The following SLC25A21 variants were observed in gnomAD, a reference collection of about 807,000 sequenced individuals.
SLC25A21 encodes the protein solute carrier family 25 member 21.
SLC25A21 carries 47 observed loss-of-function variants against 43.8 expected under a neutral mutation model. The observed-to-expected ratio is 1.07, with a 90% confidence interval of 0.85 to 1.37. SLC25A21 has a LOEUF of 1.37. Among genes scored for constraint, SLC25A21 ranks in the 40% most tolerant of loss-of-function variants. The pLI, the probability that SLC25A21 is intolerant of heterozygous loss-of-function variation, is 0.00. For missense variants in SLC25A21, 352 were observed against 350.2 expected, an observed-to-expected ratio of 1.00 and a Z score of -0.04; for synonymous variants, 131 against 121.3, an observed-to-expected ratio of 1.08 and a Z score of -0.52.
chr14:36,955,118 T>C (rs911204624), intron 1 of SLC25A21, among the ~76,000 whole-genome samples: 11 of 152,212 alleles, frequency 7.2e-5, no homozygotes, highest in African/African-American at 2.7e-4. Flanking sequence ...TGGCCTAGTG[T>C]AGACATTCAA....
intron 5 of SLC25A21, among the ~76,000 whole-genome samples, chr14:36,728,664 A>G (rs902612936): frequency 6.6e-6 from 1 of 152,252 alleles, no homozygotes; most frequent in Non-Finnish European, 1.5e-5. Flanking sequence ...TTTTTTAAAA[A>G]TAACAGATAC....
chr14:36,697,322 A>C (rs1883071951), intron 7 of SLC25A21, among the ~76,000 whole-genome samples: 1 of 152,200 alleles, frequency 6.6e-6, no homozygotes, highest in South Asian at 2.1e-4. Context: ...GGAGTGCTTT[A>C]CTTCCAACTA....
At chr14:37,080,630 C>G (rs1254491636) in intron 1 of SLC25A21, among the ~76,000 whole-genome samples, 1 of 152,074 alleles carries the variant, frequency 6.6e-6, no homozygotes, top group Non-Finnish European at 1.5e-5. Context: ...AAAACTACTA[C>G]TTAGTACTTG....
intron 3 of SLC25A21, among the ~76,000 whole-genome samples, chr14:36,773,585 A>G (rs1886707034): frequency 6.6e-6 from 1 of 152,250 alleles, no homozygotes; most frequent in Non-Finnish European, 1.5e-5. Context: ...AAAAGAGCCC[A>G]AAATCTTGTT....
At chr14:37,013,470 C>T (rs570549477) in intron 1 of SLC25A21, among the ~76,000 whole-genome samples, 3 of 152,284 alleles carry the variant, frequency 2.0e-5, no homozygotes, top group African/African-American at 7.2e-5. Context: ...TTCTCCTTAG[C>T]TTTCTGTATC....
intron 1 of SLC25A21, among the ~76,000 whole-genome samples, chr14:37,005,665 G>A (rs188629973): frequency 4.6e-5 from 7 of 151,638 alleles, no homozygotes; most frequent in Non-Finnish European, 7.4e-5. Context: ...TCAACATATT[G>A]TATATCTTTC....
chr14:36,986,285 G>T (rs1028320630), intron 1 of SLC25A21, among the ~76,000 whole-genome samples: 1 of 151,976 alleles, frequency 6.6e-6, no homozygotes, highest in Admixed American at 6.6e-5. Context: ...ACCACATTCT[G>T]TCTTCTTCCT....
intron 1 of SLC25A21, among the ~76,000 whole-genome samples, chr14:37,157,084 C>T (rs8015791): frequency 0.043 from 6,613 of 152,218 alleles, 285 homozygotes; most frequent in Admixed American, 0.1. Context: ...ACGCCCAGCA[C>T]GGTGGCTCAT....
intron 2 of SLC25A21, among the ~76,000 whole-genome samples, chr14:36,814,471 C>A (rs528582618): frequency 6.6e-6 from 1 of 152,236 alleles, no homozygotes; most frequent in South Asian, 2.1e-4. Flanking sequence ...AACAAATTTA[C>A]AAGAAAATAC....
intron 1 of SLC25A21, among the ~76,000 whole-genome samples, chr14:37,050,632 T>C (rs1961683533): frequency 6.6e-6 from 1 of 152,212 alleles, no homozygotes; most frequent in Non-Finnish European, 1.5e-5. Flanking sequence ...TTTATTAGAA[T>C]GCGTTCATTT....
chr14:36,728,412 C>G (rs1246222725), intron 5 of SLC25A21, among the ~76,000 whole-genome samples: 2 of 152,140 alleles, frequency 1.3e-5, no homozygotes, highest in Admixed American at 6.5e-5. Context: ...AATTTTTAAT[C>G]CTCTTTTTTG....
Position 36,950,821 on chromosome 14 carries a change from C to T in SLC25A21, c.71-75817G>A, listed in dbSNP as rs1429844. Among the ~76,000 whole-genome samples, 6 of 152,224 alleles carry T rather than the reference C, an allele frequency of 3.9e-5. No individual in the cohort carries two copies. In the South Asian group the frequency reaches 6.2e-4, roughly 16 times the overall value. The stretch of plus-strand genomic sequence containing the variant: ...ACATCCAACTGACATTCTTATTGCA[C>T]GGGAATACTCAAATTATTTGTTTTG... On this transcript the variant is annotated intron_variant, in intron 1 of 9. Coordinates refer to ENST00000331299, the MANE Select transcript of SLC25A21 (RefSeq NM_030631.4).
chr14:36,961,134 C>G (rs985478083), intron 1 of SLC25A21, among the ~76,000 whole-genome samples: 4 of 152,228 alleles, frequency 2.6e-5, no homozygotes. Flanking sequence ...AGCCCACCCC[C>G]AGAGCATCTG....
rs189632533 is a variant in SLC25A21, at chr14:36,979,683, A to G, written c.71-104679T>C. 2.1e-4 allele frequency among the ~76,000 whole-genome samples: 32 copies of G among 152,332 alleles called. 1 individual carries two copies. The highest frequency in any genetic ancestry group is 2.0e-3 in the Admixed American group (31 of 15,304). On this transcript the variant is annotated intron_variant, in intron 1 of 9. Coordinates refer to ENST00000331299, the MANE Select transcript of SLC25A21 (RefSeq NM_030631.4). ...AGGTAGTATTTTTTAAACTTTGCTT[A>G]CACTGTCTAAATATAAACAACTTTT... is the stretch of plus-strand genomic sequence containing the variant.
intron 1 of SLC25A21, among the ~76,000 whole-genome samples, chr14:36,990,839 C>A (rs1960247323): frequency 6.6e-6 from 1 of 151,928 alleles, no homozygotes; most frequent in Non-Finnish European, 1.5e-5. Context: ...CATGTTTGCA[C>A]CACTGCGCTC....
At chr14:37,098,054 A>G (rs566888150) in intron 1 of SLC25A21, 1 of 152,292 alleles carries the variant, frequency 6.6e-6, no homozygotes, top group African/African-American at 2.4e-5. Context: ...TTTTCCAAAT[A>G]AAATCTTTTT....
At chr14:36,806,939 T>A (rs1350474522) in intron 3 of SLC25A21, 1 of 151,960 alleles carries the variant, frequency 6.6e-6, no homozygotes, top group Non-Finnish European at 1.5e-5. Flanking sequence ...CATCACCACA[T>A]AAAAACAAGG....
intron 1 of SLC25A21, among the ~76,000 whole-genome samples, chr14:37,165,131 C>A (rs554252899): frequency 6.6e-6 from 1 of 152,206 alleles, no homozygotes; most frequent in South Asian, 2.1e-4. Flanking sequence ...AATCCCAGCA[C>A]TTTGGGAGGC....
chr14:36,836,511 T>A (rs944351294), intron 2 of SLC25A21, among the ~76,000 whole-genome samples: 1 of 152,168 alleles, frequency 6.6e-6, no homozygotes, highest in African/African-American at 2.4e-5. Context: ...ACTAATAAAG[T>A]CTATTGCTCT....
Sources: allele counts gnomAD v4.1 joint callset (sites outside exome capture counted in the v4.1 genomes callset), GRCh38; gene constraint gnomAD v4.1.1; transcripts MANE v1.5; gene names NCBI Gene and HGNC (gene_info 2026-07-23, HGNC 2026-07-21).